Variants in STXBP4 observed in about 807,000 individuals in gnomAD.
STXBP4 encodes syntaxin binding protein 4.
STXBP4 carries 55 observed loss-of-function variants against 76.1 expected under a neutral mutation model. The observed-to-expected ratio is 0.72, with a 90% CI of 0.58 to 0.91. The LOEUF is 0.91. Ranked by LOEUF, STXBP4 falls within the 40% of genes least tolerant of loss-of-function variation. The pLI, the probability that STXBP4 is intolerant of heterozygous loss-of-function variation, is 0.00. For synonymous variants in STXBP4, 201 were observed against 220.2 expected (o/e 0.91, Z 0.77); for missense variants, 618 against 636.9 (o/e 0.97, Z 0.32).
chr17:55,125,700 A>G (rs922385331), intron 16 of STXBP4, among the ~76,000 whole-genome samples: 2 of 152,124 alleles, frequency 1.3e-5, no homozygotes, highest in African/African-American at 4.8e-5. Context: ...AGTCTCAAGT[A>G]GTGACCCTGA....
At chr17:55,061,077 A>G (rs899627450) in intron 12 of STXBP4, among the ~76,000 whole-genome samples, 8 of 152,190 alleles carry the variant, frequency 5.3e-5, no homozygotes, top group South Asian at 2.1e-4. Context: ...TGAGAAGAGC[A>G]TGAAGTCCTG....
At chr17:55,210,383 TA>T in the STXBP4 span, among the ~76,000 whole-genome samples, 1 of 152,070 alleles carries the variant, frequency 6.6e-6, no homozygotes, top group Non-Finnish European at 1.5e-5. Context: ...CTTTATGGAG[TA>T]ATATGTTTGT....
chr17:55,177,185 C>A (rs922446076), downstream of STXBP4, among the ~76,000 whole-genome samples: 4 of 152,114 alleles, frequency 2.6e-5, no homozygotes, highest in Admixed American at 2.0e-4. Flanking sequence ...CTCTGGAGAA[C>A]CCTGACTGAA....
intron 17 of STXBP4, among the ~76,000 whole-genome samples, chr17:55,152,503 CTTTAACTGACT>C (rs1228626279): frequency 6.6e-6 from 1 of 152,156 alleles, no homozygotes; most frequent in Non-Finnish European, 1.5e-5. Context: ...AACAAAGGAG[CTTTAACTGACT>C]CACAGTTCCA....
At chr17:55,010,586 A>G (rs2144561677) in intron 8 of STXBP4, among the ~76,000 whole-genome samples, 1 of 152,236 alleles carries the variant, frequency 6.6e-6, no homozygotes. Context: ...AAATAGGGAT[A>G]CAATTTATTG....
rs1404932689 is a variant in STXBP4 at position 55,169,840 on chromosome 17, A to G, written c.*9929A>G. ...CAATTGAATGTCTAAACAATCCAAG[A>G]CAGATAATTTTGTAGTATTTACTGT... On this transcript the variant is annotated 3_prime_UTR_variant, in exon 18 of 18. Transcript: ENST00000376352. The G allele has an allele frequency of 6.6e-6, 1 of 152,234 alleles. No individual in the cohort carries two copies. The highest frequency in any genetic ancestry group is 2.1e-4 in the South Asian group (1 of 4,828). The allele number at this position is 152,234 out of a possible 1,614,324, so 9.4% of individuals were successfully genotyped here. A position where few individuals can be genotyped will look rare whatever the true frequency, so the allele number is the denominator to read the frequency against.
chr17:55,105,468 C>CTTTTTTTTTT (rs778376430), intron 16 of STXBP4, among the ~76,000 whole-genome samples: 3 of 108,102 alleles, frequency 2.8e-5, no homozygotes, highest in African/African-American at 6.0e-5. Context: ...TCTTTCTTTT[C>CTTTTTTTTTT]TTTTTTTTTT....
At chr17:55,064,751 A>G (rs934503745) in intron 12 of STXBP4, among the ~76,000 whole-genome samples, 1 of 151,882 alleles carries the variant, frequency 6.6e-6, no homozygotes, top group Non-Finnish European at 1.5e-5. Context: ...CGATCCACCC[A>G]CCTCCGCCTC....
the STXBP4 span, among the ~76,000 whole-genome samples, chr17:55,204,487 A>G: frequency 5.8e-4 from 88 of 152,192 alleles, no homozygotes; most frequent in Middle Eastern, 0.01. Flanking sequence ...ATTGAACTCT[A>G]AATATTGTGT....
rs9902950 is a variant in STXBP4, at chr17:54,980,403, A to G, written c.-156-5211A>G. 2.6e-3 allele frequency among the ~76,000 whole-genome samples: 390 copies of G among 152,188 alleles called. 2 individuals carry two copies. The highest frequency in any genetic ancestry group is 8.4e-3 in the African/African-American group (350 of 41,502). On this transcript the variant is annotated intron_variant, in intron 1 of 17. Coordinates refer to ENST00000376352, the MANE Select transcript of STXBP4 (RefSeq NM_178509.6). ...CTACAAGTCGTCCAGGTTCTTGGCAATTTGAACAAAGATTTGGACAAAATG... is the reference window on the plus strand; with the variant it reads ...CTACAAGTCGTCCAGGTTCTTGGCAGTTTGAACAAAGATTTGGACAAAATG...
Position 55,078,181 on chromosome 17 carries a change from T to C in STXBP4, c.1292T>C (p.Leu431Pro). ...KTFEASTEKL[L>P]HFVEAIQEVF... Reference sequence around the variant, plus strand: ...TTTGAGGCATCCACTGAAAAGCTTCTTCATTTTGTAGAGGTAAGTTTTTCT... The same window carrying C: ...TTTGAGGCATCCACTGAAAAGCTTCCTCATTTTGTAGAGGTAAGTTTTTCT... Residue 431 changes from leucine (L) to proline (P), a missense_variant, in exon 14 of 18, where the codon CTT (leucine) becomes CCT (proline). Physicochemically the swap from Leu to Pro is moderately conservative, Grantham distance 98. Coordinates refer to ENST00000376352, the MANE Select transcript of STXBP4 (RefSeq NM_178509.6). 6.2e-7 allele frequency: 1 copy of C among 1,608,896 alleles called. No individual in the cohort carries two copies. The highest frequency in any genetic ancestry group is 8.5e-7 in the Non-Finnish European group (1 of 1,177,654).
At chr17:55,185,196 TTCTTC>T in the STXBP4 span, among the ~76,000 whole-genome samples, 4 of 47,124 alleles carry the variant, frequency 8.5e-5, no homozygotes, top group African/African-American at 4.1e-4. Context: ...CTTTTTCTTC[TTCTTC>T]TTCTTCTTCT....
Position 55,047,101 on chromosome 17 carries a change from G to A in STXBP4, c.958G>A (p.Glu320Lys). ...EVNTLKEKLL[E>K]SDKQRKQLTE... Reference sequence around the variant, plus strand: ...TTTTTAAATATAGGAAAAATTATTGGAATCAGATAAGCAAAGGAAACAATT... The same window carrying A: ...TTTTTAAATATAGGAAAAATTATTGAAATCAGATAAGCAAAGGAAACAATT... Residue 320 changes from glutamate (E) to lysine (K), a missense_variant, in exon 12 of 18, where the codon GAA (glutamate) becomes AAA (lysine). Transcript: ENST00000376352. 1 of 1,603,532 alleles carries A rather than the reference G, an allele frequency of 6.2e-7. No homozygotes were observed. Among genetic ancestry groups the A allele is most frequent in the Non-Finnish European group, 8.5e-7 (1 of 1,172,586 alleles).
At chr17:55,081,234 C>G in intron 16 of STXBP4, 51 bp downstream of exon 16, 3 of 1,328,560 alleles carry the variant, frequency 2.3e-6, no homozygotes, top group Non-Finnish European at 2.9e-6. Flanking sequence ...TTTAACAAAA[C>G]AAATTGAAGT....
intron 16 of STXBP4, among the ~76,000 whole-genome samples, chr17:55,118,381 A>G (rs1386298419): frequency 6.6e-6 from 1 of 152,008 alleles, no homozygotes; most frequent in East Asian, 1.9e-4. Flanking sequence ...ACTCAAAGAA[A>G]TGAAAGGAGG....
chr17:55,112,314 T>G (rs1004832628), intron 16 of STXBP4, among the ~76,000 whole-genome samples: 3 of 152,202 alleles, frequency 2.0e-5, no homozygotes, highest in Non-Finnish European at 4.4e-5. Flanking sequence ...TAGGACTTAT[T>G]GGCCACCTGA....
intron 8 of STXBP4, among the ~76,000 whole-genome samples, chr17:55,020,101 C>T (rs2078281150): frequency 6.6e-6 from 1 of 152,090 alleles, no homozygotes; most frequent in South Asian, 2.1e-4. Flanking sequence ...TTGAATATTG[C>T]CTCTCTTTAA....
chr17:54,982,826 C>A (rs2077569599), intron 1 of STXBP4, among the ~76,000 whole-genome samples: 1 of 152,132 alleles, frequency 6.6e-6, no homozygotes, highest in South Asian at 2.1e-4. Context: ...ATAGTGTCAT[C>A]TTTATATAAA....
intron 14 of STXBP4, 84 bp from the exon 15 acceptor site, chr17:55,078,602 A>C: frequency 1.2e-6 from 1 of 836,124 alleles, no homozygotes; most frequent in Admixed American, 2.2e-5. Flanking sequence ...TGGACAGAGG[A>C]GGTTATAAAT....
Sources: gnomAD v4.1 joint callset for allele counts (sites outside exome capture counted in the v4.1 genomes callset) on GRCh38, gnomAD v4.1.1 for gene constraint, MANE v1.5 for transcripts, NCBI Gene and HGNC (gene_info 2026-07-23, HGNC 2026-07-21) for gene names.